The following SORCS3 variants were observed in gnomAD, a reference collection of about 807,000 sequenced individuals.
SORCS3 encodes sortilin related VPS10 domain containing receptor 3.
A neutral mutation model predicts 146.3 loss-of-function variants in SORCS3; 57 were observed. That is an observed-to-expected ratio of 0.39 (90% confidence interval 0.31 to 0.49). SORCS3 has a LOEUF of 0.49. Among genes scored for constraint, SORCS3 ranks in the 20% least tolerant of loss-of-function variants. SORCS3 has a pLI of 0.92. For missense variants in SORCS3, 1,341 were observed against 1,575.5 expected, an observed-to-expected ratio of 0.85 and a Z score of 2.52; for synonymous variants, 653 against 618.5, an observed-to-expected ratio of 1.06 and a Z score of -0.83.
At chr10:104,808,172 T>G (rs1173121402) in intron 1 of SORCS3, among the ~76,000 whole-genome samples, 1 of 152,106 alleles carries the variant, frequency 6.6e-6, no homozygotes, top group East Asian at 1.9e-4. Context: ...CCAACAGAAC[T>G]AGGACTTCTG....
intron 19 of SORCS3, among the ~76,000 whole-genome samples, chr10:105,221,667 G>A (rs544790351): frequency 6.6e-6 from 1 of 152,134 alleles, no homozygotes; most frequent in Non-Finnish European, 1.5e-5. Flanking sequence ...AATTACCAGG[G>A]AAGCAAATAA....
chr10:104,768,525 A>C (rs1205289618), intron 1 of SORCS3, among the ~76,000 whole-genome samples: 1 of 152,188 alleles, frequency 6.6e-6, no homozygotes, highest in East Asian at 1.9e-4. Context: ...AAAATTAGAT[A>C]AGCAAAAAGA....
At chr10:105,195,852 T>C (rs992196868) in intron 14 of SORCS3, among the ~76,000 whole-genome samples, 1 of 152,192 alleles carries the variant, frequency 6.6e-6, no homozygotes, top group Non-Finnish European at 1.5e-5. Context: ...AGTGTTTAAG[T>C]GATTAAAATT....
chr10:104,914,064 C>T (rs759951198), intron 2 of SORCS3, among the ~76,000 whole-genome samples: 6 of 152,078 alleles, frequency 3.9e-5, no homozygotes, highest in African/African-American at 9.7e-5. Flanking sequence ...TCACCACACC[C>T]GGAATCTTCA....
chr10:105,199,964 C>T (rs1157886547), intron 14 of SORCS3, 35 bp from the exon 15 acceptor site: 18 of 1,492,500 alleles, frequency 1.2e-5, no homozygotes, highest in Admixed American at 1.7e-5. Flanking sequence ...GGACTTTCTC[C>T]CCTTGTGTCT....
At chr10:104,992,504 A>T (rs992176356) in intron 4 of SORCS3, among the ~76,000 whole-genome samples, 4 of 152,178 alleles carry the variant, frequency 2.6e-5, no homozygotes, top group African/African-American at 9.7e-5. Context: ...AGTTTGGTTG[A>T]CCTGAATGTG....
At position 104,913,513 on chromosome 10, in the gene SORCS3, T is replaced by G. The variant is rs192619063; in HGVS notation, c.696-2320T>G. On this transcript the variant is annotated intron_variant, in intron 2 of 26. Coordinates refer to ENST00000369701, the MANE Select transcript of SORCS3 (RefSeq NM_014978.3). Reference sequence around the variant, plus strand: ...TTAAAGTTAGCATAACTCATGACCATGTGGAGCCAGTAGCCTAGGGAGGGG... The same window carrying G: ...TTAAAGTTAGCATAACTCATGACCAGGTGGAGCCAGTAGCCTAGGGAGGGG... Among the ~76,000 whole-genome samples, 359 of 152,276 alleles carry G rather than the reference T, an allele frequency of 2.4e-3. 1 individual carries two copies. Among genetic ancestry groups the G allele is most frequent in the Admixed American group, 3.9e-3 (60 of 15,300 alleles).
chr10:104,795,531 C>T (rs1474836908), intron 1 of SORCS3, among the ~76,000 whole-genome samples: 1 of 152,224 alleles, frequency 6.6e-6, no homozygotes, highest in Non-Finnish European at 1.5e-5. Context: ...TTCTTCCCTA[C>T]AAGAATGTAT....
intron 1 of SORCS3, among the ~76,000 whole-genome samples, chr10:104,723,514 G>A (rs908698374): frequency 1.3e-5 from 2 of 152,162 alleles, no homozygotes; most frequent in African/African-American, 4.8e-5. Context: ...GCAGAGCTGA[G>A]TTCAATTCCT....
intron 5 of SORCS3, among the ~76,000 whole-genome samples, chr10:105,059,663 G>A (rs1331561283): frequency 6.6e-6 from 1 of 152,174 alleles, no homozygotes; most frequent in Admixed American, 6.5e-5. Context: ...TTTTTCCACT[G>A]TATGCAGTGA....
chr10:104,800,578 G>T (rs2017613295), intron 1 of SORCS3, among the ~76,000 whole-genome samples: 1 of 152,110 alleles, frequency 6.6e-6, no homozygotes, highest in South Asian at 2.1e-4. Context: ...GTGTGTGTTG[G>T]GGAGGCGGGT....
chr10:104,847,687 A>G (rs1266610169), intron 2 of SORCS3, among the ~76,000 whole-genome samples: 1 of 152,218 alleles, frequency 6.6e-6, no homozygotes, highest in Non-Finnish European at 1.5e-5. Flanking sequence ...GAGAGGAAAC[A>G]GGAATCATTT....
chr10:104,775,070 TG>T (rs1352893989), intron 1 of SORCS3, among the ~76,000 whole-genome samples: 11 of 152,208 alleles, frequency 7.2e-5, no homozygotes, highest in African/African-American at 2.7e-4. Context: ...TGGAGTGTTC[TG>T]GGAATTCAGT....
intron 1 of SORCS3, among the ~76,000 whole-genome samples, chr10:104,784,088 T>G (rs995961823): frequency 1.3e-5 from 2 of 152,190 alleles, no homozygotes; most frequent in Non-Finnish European, 2.9e-5. Context: ...AATTCCAGGT[T>G]TCACAAACTA....
chr10:105,203,702 A>T (rs2056586682), intron 16 of SORCS3, among the ~76,000 whole-genome samples: 1 of 152,300 alleles, frequency 6.6e-6, no homozygotes, highest in African/African-American at 2.4e-5. Context: ...CTTCATCTCT[A>T]TAGCTGCAAA....
intron 3 of SORCS3, among the ~76,000 whole-genome samples, chr10:104,941,547 A>G (rs1408200212): frequency 6.6e-6 from 1 of 152,132 alleles, no homozygotes; most frequent in Non-Finnish European, 1.5e-5. Flanking sequence ...CAAGGCCACC[A>G]GCTTTGTTCC....
intron 2 of SORCS3, among the ~76,000 whole-genome samples, chr10:104,915,268 G>A (rs753759986): frequency 3.3e-5 from 5 of 152,090 alleles, no homozygotes; most frequent in Non-Finnish European, 5.9e-5. Context: ...TTGTCCCTGT[G>A]TAAAGCATCC....
chr10:105,023,362 T>C (rs1178958246), intron 4 of SORCS3, among the ~76,000 whole-genome samples: 1 of 152,200 alleles, frequency 6.6e-6, no homozygotes, highest in African/African-American at 2.4e-5. Context: ...CTGAAATTGC[T>C]TGGCCCATGA....
At chr10:104,847,272 T>C (rs1423754485) in intron 2 of SORCS3, among the ~76,000 whole-genome samples, 1 of 152,250 alleles carries the variant, frequency 6.6e-6, no homozygotes, top group East Asian at 1.9e-4. Flanking sequence ...TCGAGGTTAT[T>C]AAATCTTTAC....
Sources: gnomAD v4.1 joint callset for allele counts (sites outside exome capture counted in the v4.1 genomes callset) on GRCh38, gnomAD v4.1.1 for gene constraint, MANE v1.5 for transcripts, NCBI Gene and HGNC (gene_info 2026-07-23, HGNC 2026-07-21) for gene names.